Variants in ZNF382 observed in about 807,000 individuals in gnomAD.
ZNF382 encodes the protein KRAB/zinc finger suppressor protein 1.
A neutral mutation model predicts 38.8 loss-of-function variants in ZNF382; 20 were observed. The observed-to-expected ratio is 0.51, with a 90% confidence interval of 0.36 to 0.75. ZNF382 has a LOEUF of 0.75. Ranked by LOEUF, ZNF382 falls within the 30% of genes least tolerant of loss-of-function variation. The pLI is 0.00. For missense variants in ZNF382, 546 were observed against 654.1 expected, an observed-to-expected ratio of 0.83 and a Z score of 1.80; for synonymous variants, 202 against 223.1, an observed-to-expected ratio of 0.91 and a Z score of 0.84.
At position 36,627,318 on chromosome 19, in the gene ZNF382, G is replaced by A. The variant is rs752791248; in HGVS notation, c.1421G>A (p.Arg474His). Reference sequence around the variant, plus strand: ...TGTAATGAATGTGGGAAGTCCTTCCGCCAGAAGGCAATCCTCACTGTTCAT... The same window carrying A: ...TGTAATGAATGTGGGAAGTCCTTCCACCAGAAGGCAATCCTCACTGTTCAT... ...YICNECGKSFRQKAILTVHHR... is the reference protein window; with the variant it reads ...YICNECGKSFHQKAILTVHHR... Residue 474 changes from arginine (R) to histidine (H), a missense_variant, in exon 5 of 5, where the codon CGC becomes CAC. Physicochemically the swap from Arg to His is conservative, Grantham distance 29. Transcript: ENST00000292928. 5.6e-6 allele frequency: 9 copies of A among 1,614,046 alleles called. No individual in the cohort carries two copies. Among genetic ancestry groups the A allele is most frequent in the East Asian group, 2.2e-5 (1 of 44,898 alleles).
intron 2 of ZNF382, chr19:36,608,988 A>G (rs908233088): frequency 1.3e-5 from 2 of 152,226 alleles, no homozygotes; most frequent in Non-Finnish European, 2.9e-5. Flanking sequence ...AACCATGGTT[A>G]CTTAATTGTC....
At chr19:36,614,860 A>ATTTCTTTC (rs199859076) in intron 4 of ZNF382, among the ~76,000 whole-genome samples, 4 of 137,324 alleles carry the variant, frequency 2.9e-5, no homozygotes, top group East Asian at 4.3e-4. Flanking sequence ...GCAATGAACC[A>ATTTCTTTC]TTTCTTTCTT....
intron 4 of ZNF382, among the ~76,000 whole-genome samples, chr19:36,614,753 C>G (rs2037107401): frequency 1.3e-5 from 2 of 152,160 alleles, no homozygotes; most frequent in Admixed American, 1.3e-4. Context: ...TGGCAAAAAC[C>G]TGTCTCTACT....
chr19:36,619,732 T>G (rs1024334323), intron 4 of ZNF382, among the ~76,000 whole-genome samples: 6 of 151,826 alleles, frequency 4.0e-5, no homozygotes, highest in African/African-American at 7.3e-5. Flanking sequence ...TAAAAGAGTT[T>G]TTTTTTTTTT....
chr19:36,605,725 T>C (rs753389135), intron 1 of ZNF382: 4 of 152,330 alleles, frequency 2.6e-5, no homozygotes, highest in South Asian at 4.1e-4. Flanking sequence ...ACCTGCTGCA[T>C]TTTAGGTGCT....
intron 3 of ZNF382, chr19:36,610,365 G>A (rs1468312457): frequency 2.1e-5 from 8 of 377,428 alleles, no homozygotes; most frequent in African/African-American, 1.1e-4. Context: ...GCTGAAGCAC[G>A]AGAACCACTT....
chr19:36,627,583 G>A lies in ZNF382; in HGVS notation c.*33G>A, dbSNP rs776002366. On this transcript the variant is annotated 3_prime_UTR_variant, in exon 5 of 5. Coordinates refer to ENST00000292928, the MANE Select transcript of ZNF382 (RefSeq NM_032825.5). ...GGCTTTTTTTGTAAAAAAATGTTAA[G>A]TCATAGTAAACCCTGTAGATGATGT... 13 of 1,515,750 alleles carry A rather than the reference G, an allele frequency of 8.6e-6. No homozygotes were observed. Among genetic ancestry groups the A allele is most frequent in the Non-Finnish European group, 1.1e-5 (12 of 1,097,976 alleles). 93.9% of individuals were successfully genotyped at this position (1,515,750 alleles called of 1,614,324 possible). A position where few individuals can be genotyped will look rare whatever the true frequency, so the allele number is the denominator to read the frequency against.
rs1177456418 is a variant in ZNF382 at position 36,633,583 on chromosome 19, ACTTATCC to A, written c.*6034_*6040del. The A allele has an allele frequency of 1.3e-5, 2 of 152,176 alleles. No homozygotes were observed. The highest frequency in any genetic ancestry group is 2.9e-5 in the Non-Finnish European group (2 of 68,028). 9.4% of individuals were successfully genotyped at this position (152,176 alleles called of 1,614,324 possible). A position where few individuals can be genotyped will look rare whatever the true frequency, so the allele number is the denominator to read the frequency against. On this transcript the variant is annotated 3_prime_UTR_variant, in exon 5 of 5. Transcript: ENST00000292928. ...TGACCCAGCAATCCCACTTATAAGT[ACTTATCC>A]TAGAGAAATGAAAAATTATGTGCAC...
In ZNF382 at chr19:36,631,309, C is replaced by A. The variant is rs1401994858; in HGVS notation, c.*3759C>A. The A allele has an allele frequency of 6.6e-6, 1 of 151,908 alleles. No homozygotes were observed. The highest frequency in any genetic ancestry group is 1.5e-5 in the Non-Finnish European group (1 of 68,002). The allele number at this position is 151,908 out of a possible 1,614,324, so 9.4% of individuals were successfully genotyped here. A position where few individuals can be genotyped will look rare whatever the true frequency, so the allele number is the denominator to read the frequency against. On this transcript the variant is annotated 3_prime_UTR_variant, in exon 5 of 5. Coordinates refer to ENST00000292928, the MANE Select transcript of ZNF382 (RefSeq NM_032825.5). ...ATGTTACTGTGCTGGATACTATAGGCAATTGTAACACAATGGTAATTATTT... is the reference window on the plus strand; with the variant it reads ...ATGTTACTGTGCTGGATACTATAGGAAATTGTAACACAATGGTAATTATTT...
At chr19:36,607,434 A>G (rs1393048257) in intron 1 of ZNF382, 118 bp from the exon 2 acceptor site, 1 of 645,482 alleles carries the variant, frequency 1.5e-6, no homozygotes, top group Non-Finnish European at 2.7e-6. Flanking sequence ...TGAAGGGTAC[A>G]CAGGGTGGAC....
intron 4 of ZNF382, 64 bp from the exon 5 acceptor site, chr19:36,626,066 G>C: frequency 8.0e-7 from 1 of 1,244,348 alleles, no homozygotes; most frequent in Non-Finnish European, 1.1e-6. Flanking sequence ...TAGTTTGTCT[G>C]TATGTATACC....
At position 36,626,932 on chromosome 19, in the gene ZNF382, A is replaced by T; in HGVS notation, c.1035A>T (p.Thr345=). 6.2e-7 allele frequency: 1 copy of T among 1,614,182 alleles called. No individual in the cohort carries two copies. ...CAGCCCTCACCCTTCATGAGAAAAC[A>T]CATATAGAGGGGAAACCCTTTATTT... ...QKTALTLHEK[T]HIEGKPFICI... Residue 345 remains threonine, a synonymous_variant, in exon 5 of 5, where the codon ACA becomes ACT. Transcript: ENST00000292928.
In ZNF382 at chr19:36,632,608, G is replaced by T. The variant is rs760251312; in HGVS notation, c.*5058G>T. The T allele has an allele frequency of 2.0e-5, 3 of 152,210 alleles. No individual in the cohort carries two copies. Among genetic ancestry groups the T allele is most frequent in the African/African-American group, 7.2e-5 (3 of 41,452 alleles). The allele number at this position is 152,210 out of a possible 1,614,324, so 9.4% of individuals were successfully genotyped here. On this transcript the variant is annotated 3_prime_UTR_variant, in exon 5 of 5. Transcript: ENST00000292928. ...GCCATCATAAACAAATTGGCTCTGG[G>T]AGTCTCCCAGGGAATATCAGACTTT...
chr19:36,614,920 T>TTTCCCC (rs2033032435), intron 4 of ZNF382, among the ~76,000 whole-genome samples: 1 of 57,514 alleles, frequency 1.7e-5, no homozygotes, highest in African/African-American at 7.7e-5. Flanking sequence ...TTTCCTTCCC[T>TTTCCCC]TTCCCTTTCC....
chr19:36,612,616 C>A (rs2037087168), intron 4 of ZNF382, among the ~76,000 whole-genome samples: 1 of 152,158 alleles, frequency 6.6e-6, no homozygotes, highest in African/African-American at 2.4e-5. Flanking sequence ...GCCCCACGTT[C>A]TTTTCTACAT....
chr19:36,607,471 C>A, intron 1 of ZNF382, 81 bp from the exon 2 acceptor site: 1 of 808,220 alleles, frequency 1.2e-6, no homozygotes, highest in Non-Finnish European at 2.0e-6. Context: ...AACATTCATG[C>A]AGATTTAACT....
chr19:36,611,479 C>T (rs1253376797), intron 4 of ZNF382, among the ~76,000 whole-genome samples: 1 of 152,008 alleles, frequency 6.6e-6, no homozygotes, highest in Non-Finnish European at 1.5e-5. Context: ...CATCTATTTC[C>T]TTCATTTTTA....
In ZNF382 at chr19:36,627,314, T is replaced by G. The variant is rs1484707203; in HGVS notation, c.1417T>G (p.Phe473Val). The change falls in exon 5 of 5, where the codon TTC (phenylalanine) becomes GTC (valine). Residue 473 changes from phenylalanine (F) to valine (V), a missense_variant. By Grantham distance (50) the Phe-to-Val change is conservative (BLOSUM62 -1). Transcript: ENST00000292928. ...TATTTGTAATGAATGTGGGAAGTCC[T>G]TCCGCCAGAAGGCAATCCTCACTGT... ...PYICNECGKS[F>V]RQKAILTVHH... 6.2e-7 allele frequency: 1 copy of G among 1,614,208 alleles called. No homozygotes were observed.
chr19:36,607,955 TTCA>T (rs1398766109), intron 2 of ZNF382: 1 of 270,690 alleles, frequency 3.7e-6, no homozygotes, highest in African/African-American at 2.2e-5. Flanking sequence ...GGGTATATCA[TTCA>T]TCATCTCCTT....
Sources: allele counts gnomAD v4.1 joint callset (sites outside exome capture counted in the v4.1 genomes callset), GRCh38; gene constraint gnomAD v4.1.1; transcripts MANE v1.5; gene names NCBI Gene and HGNC (gene_info 2026-07-23, HGNC 2026-07-21).